Variants in PARP8 observed in about 807,000 individuals in gnomAD.
PARP8 encodes the protein poly(ADP-ribose) polymerase family member 8.
Under a neutral mutation model 124.1 loss-of-function variants are expected in PARP8, and 51 were observed. The observed-to-expected ratio is 0.41, with a 90% CI of 0.33 to 0.52. The LOEUF is 0.52. Among genes scored for constraint, PARP8 ranks in the 20% least tolerant of loss-of-function variants. PARP8 has a pLI of 0.21. For missense variants in PARP8, 860 were observed against 1,018.9 expected (o/e 0.84, Z 2.12); for synonymous variants, 391 against 361.5 (o/e 1.08, Z -0.93).
chr5:50,693,826 A>G (rs1752749065), intron 2 of PARP8, among the ~76,000 whole-genome samples: 1 of 151,468 alleles, frequency 6.6e-6, no homozygotes, highest in Non-Finnish European at 1.5e-5. Context: ...TTATACAATC[A>G]ATTATTAATT....
chr5:50,697,662 A>G (rs1340144057), intron 2 of PARP8, among the ~76,000 whole-genome samples: 2 of 152,140 alleles, frequency 1.3e-5, no homozygotes, highest in Non-Finnish European at 2.9e-5. Flanking sequence ...GGCACATGCC[A>G]TCATGCCTGG....
chr5:50,699,946 C>G (rs1229322545), intron 2 of PARP8, among the ~76,000 whole-genome samples: 1 of 152,008 alleles, frequency 6.6e-6, no homozygotes, highest in Admixed American at 6.6e-5. Context: ...AGTAAAAGTT[C>G]CATTAACTTG....
intron 2 of PARP8, among the ~76,000 whole-genome samples, chr5:50,697,139 C>A (rs1267691914): frequency 2.6e-5 from 4 of 152,104 alleles, no homozygotes; most frequent in Non-Finnish European, 5.9e-5. Context: ...GCCTATAATC[C>A]CAGCTACTCA....
chr5:50,734,010 G>A (rs1322435740), intron 2 of PARP8, among the ~76,000 whole-genome samples: 2 of 152,126 alleles, frequency 1.3e-5, no homozygotes, highest in Admixed American at 6.5e-5. Flanking sequence ...CTTTACTAAT[G>A]AGGAAGATGA....
At chr5:50,730,979 T>G (rs971216426) in intron 2 of PARP8, among the ~76,000 whole-genome samples, 21 of 152,192 alleles carry the variant, frequency 1.4e-4, no homozygotes, top group Middle Eastern at 3.2e-3. Context: ...AGGAATACTT[T>G]GAGCAAGAAA....
In PARP8 at chr5:50,840,396, A is replaced by G. The variant is rs554553670; in HGVS notation, c.2463-1570A>G. Among the ~76,000 whole-genome samples the G allele has an allele frequency of 2.2e-4, 34 of 152,020 alleles. No individual in the cohort carries two copies. The East Asian group carries it at 6.6e-3, about 29-fold the overall frequency. ...AAAATGGAAACAAGATAGCTTGGTG[A>G]TTAGTTGGGTTTAGGCACAAAGAAG... is the stretch of plus-strand genomic sequence containing the variant. On this transcript the variant is annotated intron_variant, in intron 25 of 25. Coordinates refer to ENST00000281631, the MANE Select transcript of PARP8 (RefSeq NM_024615.4).
intron 2 of PARP8, chr5:50,745,163 A>T: frequency 5.9e-6 from 1 of 168,410 alleles, no homozygotes; most frequent in Admixed American, 5.9e-5. Flanking sequence ...GCTATTTTCT[A>T]TTTGAAAAAT....
chr5:50,693,616 T>C (rs574682126), intron 2 of PARP8, among the ~76,000 whole-genome samples: 1 of 151,798 alleles, frequency 6.6e-6, no homozygotes, highest in African/African-American at 2.4e-5. Flanking sequence ...TTAATTTATA[T>C]AATTTATATT....
rs191575462 is a variant in PARP8 at position 50,688,432 on chromosome 5, C to T, written c.146+20307C>T. 3.3e-5 allele frequency among the ~76,000 whole-genome samples: 5 copies of T among 152,278 alleles called. No homozygotes were observed. In the East Asian group the frequency reaches 9.6e-4, roughly 29 times the overall value. On this transcript the variant is annotated intron_variant, in intron 2 of 25. Coordinates refer to ENST00000281631, the MANE Select transcript of PARP8 (RefSeq NM_024615.4). The stretch of plus-strand genomic sequence containing the variant: ...AGGCATTGCATAAGAAGAAACTTCA[C>T]AAGAGATAGAGATTCACTGGGAAAT...
chr5:50,734,468 T>A (rs775272020), intron 2 of PARP8, among the ~76,000 whole-genome samples: 1 of 152,200 alleles, frequency 6.6e-6, no homozygotes, highest in Non-Finnish European at 1.5e-5. Flanking sequence ...TAGTCCTTCA[T>A]GATAACAAAG....
rs1332439510 is a variant in PARP8 at position 50,843,236 on chromosome 5, C to T, written c.*1168C>T. The T allele has an allele frequency of 1.3e-5, 2 of 151,624 alleles. No homozygotes were observed. The highest frequency in any genetic ancestry group is 4.8e-5 in the African/African-American group (2 of 41,352). 9.4% of individuals were successfully genotyped at this position (151,624 alleles called of 1,614,324 possible). Reference sequence around the variant, plus strand: ...TTCTTTGAGTCCTAGAGTTCTTATTCATCAAGTTTTAATTGACAGTGTTTA... The same window carrying T: ...TTCTTTGAGTCCTAGAGTTCTTATTTATCAAGTTTTAATTGACAGTGTTTA... On this transcript the variant is annotated 3_prime_UTR_variant, in exon 26 of 26. Transcript: ENST00000281631.
intron 25 of PARP8, among the ~76,000 whole-genome samples, chr5:50,838,416 G>T (rs1747818464): frequency 6.6e-6 from 1 of 151,852 alleles, no homozygotes; most frequent in African/African-American, 2.4e-5. Context: ...AGCCTCCTTT[G>T]TGCAATGCAA....
chr5:50,778,523 A>C (rs1348145816), intron 8 of PARP8, 37 bp from the exon 9 acceptor site: 1 of 1,524,538 alleles, frequency 6.6e-7, no homozygotes, highest in Non-Finnish European at 8.9e-7. Flanking sequence ...TGAACTCTAA[A>C]AGATGATTAA....
chr5:50,733,204 G>T (rs1449198301), intron 2 of PARP8, among the ~76,000 whole-genome samples: 1 of 151,606 alleles, frequency 6.6e-6, no homozygotes, highest in African/African-American at 2.4e-5. Flanking sequence ...CTCAGCAGGG[G>T]AATTGCTTGA....
intron 3 of PARP8, among the ~76,000 whole-genome samples, chr5:50,753,992 T>G (rs1355559412): frequency 3.3e-5 from 5 of 149,514 alleles, no homozygotes; most frequent in Non-Finnish European, 7.4e-5. Flanking sequence ...CAAAGATCTG[T>G]AGGTCCTCTA....
At chr5:50,748,370 A>G (rs1027392014) in intron 2 of PARP8, among the ~76,000 whole-genome samples, 3 of 152,196 alleles carry the variant, frequency 2.0e-5, no homozygotes, top group Non-Finnish European at 4.4e-5. Flanking sequence ...ACAACGCTGT[A>G]ATCATATGTG....
At chr5:50,724,289 T>G (rs1484172953) in intron 2 of PARP8, among the ~76,000 whole-genome samples, 1 of 152,154 alleles carries the variant, frequency 6.6e-6, no homozygotes, top group Non-Finnish European at 1.5e-5. Context: ...ATTCTTTACT[T>G]TTACCTACCT....
At chr5:50,681,323 T>C (rs1289506042) in intron 2 of PARP8, among the ~76,000 whole-genome samples, 2 of 152,130 alleles carry the variant, frequency 1.3e-5, no homozygotes, top group Non-Finnish European at 2.9e-5. Context: ...TTGGATTTTT[T>C]GGCCCTAAAA....
chr5:50,712,513 G>T (rs1428799412), intron 2 of PARP8, among the ~76,000 whole-genome samples: 1 of 152,068 alleles, frequency 6.6e-6, no homozygotes, highest in Admixed American at 6.6e-5. Context: ...AGTAAAAGTT[G>T]CAAAGATTCT....
Sources: allele counts gnomAD v4.1 joint callset (sites outside exome capture counted in the v4.1 genomes callset), GRCh38; gene constraint gnomAD v4.1.1; transcripts MANE v1.5; gene names NCBI Gene and HGNC (gene_info 2026-07-23, HGNC 2026-07-21).